Variants in PIAS1 observed in about 807,000 individuals in gnomAD.
The protein encoded by PIAS1 is protein inhibitor of activated STAT 1.
Under a neutral mutation model 71.3 loss-of-function variants are expected in PIAS1, and 6 were observed. The ratio of observed to expected loss-of-function variants is 0.08; its 90% CI spans 0.05 to 0.17. PIAS1 has a LOEUF of 0.17. Ranked by LOEUF, PIAS1 falls within the 10% of genes least tolerant of loss-of-function variation. PIAS1 has a pLI of 1.00. For synonymous variants in PIAS1, 303 were observed against 292.9 expected (o/e 1.03, Z -0.35); for missense variants, 555 against 793.6 (o/e 0.70, Z 3.61).
rs765537351 is a variant in PIAS1 at position 68,185,918 on chromosome 15, C to T, written c.1663-1624C>T. Among the ~76,000 whole-genome samples, 10 of 151,820 alleles carry T rather than the reference C, an allele frequency of 6.6e-5. No homozygotes were observed. Among genetic ancestry groups the T allele is most frequent in the African/African-American group, 1.5e-4 (6 of 41,328 alleles). On this transcript the variant is annotated intron_variant, in intron 13 of 13. Coordinates refer to ENST00000249636, the MANE Select transcript of PIAS1 (RefSeq NM_016166.3). The surrounding 1 kb of genome is among the most constrained non-coding windows in gnomAD (Gnocchi z 4.4). ...CGGAGGTTGCAGTGAGCCGAGATTGCGTGCACCACTCTACTCCAACCTGGG... is the reference window on the plus strand; with the variant it reads ...CGGAGGTTGCAGTGAGCCGAGATTGTGTGCACCACTCTACTCCAACCTGGG...
chr15:68,057,386 C>A, intron 1 of PIAS1: 1 of 357,414 alleles, frequency 2.8e-6, no homozygotes, highest in South Asian at 2.2e-5. Context: ...AAGCTGACAG[C>A]TTCATGAAAC....
At chr15:68,088,176 G>GTATATATATATATATATATATA (rs71455574) in intron 2 of PIAS1, among the ~76,000 whole-genome samples, 761 of 72,714 alleles carry the variant, frequency 0.01, 46 homozygotes, top group East Asian at 0.015. Context: ...TTATGTGTGT[G>GTATATATATATATATATATATA]TATATATATA....
chr15:68,114,063 T>TACACAC (rs1317527999), intron 2 of PIAS1, among the ~76,000 whole-genome samples: 21 of 56,144 alleles, frequency 3.7e-4, no homozygotes, highest in Admixed American at 9.1e-4. Context: ...CACACACACT[T>TACACAC]ATATACATGT....
At chr15:68,059,162 G>T (rs763908663) in intron 1 of PIAS1, among the ~76,000 whole-genome samples, 1 of 151,648 alleles carries the variant, frequency 6.6e-6, no homozygotes, top group Non-Finnish European at 1.5e-5. Context: ...CCGCCACTAC[G>T]CCCCGCTAAT....
intron 2 of PIAS1, among the ~76,000 whole-genome samples, chr15:68,117,629 A>G (rs1426927176): frequency 2.0e-5 from 3 of 152,196 alleles, no homozygotes; most frequent in Non-Finnish European, 4.4e-5. Context: ...CTTACTATGC[A>G]TGGCCTATTT....
chr15:68,164,670 C>A, intron 7 of PIAS1, 61 bp from the exon 8 acceptor site: 1 of 847,388 alleles, frequency 1.2e-6, no homozygotes, highest in South Asian at 1.5e-5. Flanking sequence ...AGTAATGCTC[C>A]AGTAATGTAT....
chr15:68,068,463 T>A (rs976866733), intron 1 of PIAS1, among the ~76,000 whole-genome samples: 13 of 152,290 alleles, frequency 8.5e-5, no homozygotes, highest in African/African-American at 2.9e-4. Flanking sequence ...TTAAGTCTTT[T>A]TTTTTGAGAC....
At chr15:68,172,836 C>G (rs1399602771) in intron 8 of PIAS1, among the ~76,000 whole-genome samples, 1 of 152,308 alleles carries the variant, frequency 6.6e-6, no homozygotes, top group South Asian at 2.1e-4. Context: ...TGGATAGACT[C>G]AACCCGTGTT....
rs1323140668 is a variant in PIAS1, at chr15:68,178,071, G to C, written c.1481+1417G>C. ...ATGATGAGATTAAAGATTTCTATCAGTTTGAGACCAGCCTGGGCAACATGG... is the reference window on the plus strand; with the variant it reads ...ATGATGAGATTAAAGATTTCTATCACTTTGAGACCAGCCTGGGCAACATGG... On this transcript the variant is annotated intron_variant, in intron 11 of 13. Coordinates refer to ENST00000249636, the MANE Select transcript of PIAS1 (RefSeq NM_016166.3). The surrounding 1 kb of genome is among the most constrained non-coding windows in gnomAD (Gnocchi z 4.2). Among the ~76,000 whole-genome samples the C allele has an allele frequency of 6.6e-6, 1 of 152,174 alleles. No individual in the cohort carries two copies. Among genetic ancestry groups the C allele is most frequent in the African/African-American group, 2.4e-5 (1 of 41,446 alleles).
intron 1 of PIAS1, among the ~76,000 whole-genome samples, chr15:68,079,213 A>G (rs921839602): frequency 3.3e-5 from 5 of 152,198 alleles, no homozygotes; most frequent in Admixed American, 2.6e-4. Flanking sequence ...TGAGAATTGA[A>G]TTAATACGAT....
chr15:68,095,493 T>C, intron 2 of PIAS1, among the ~76,000 whole-genome samples: 1 of 151,700 alleles, frequency 6.6e-6, no homozygotes, highest in East Asian at 1.9e-4. Flanking sequence ...TGTTGACACA[T>C]AGCTGGGTGT....
chr15:68,062,290 C>G (rs1476941063), intron 1 of PIAS1, among the ~76,000 whole-genome samples: 1 of 152,120 alleles, frequency 6.6e-6, no homozygotes, highest in Non-Finnish European at 1.5e-5. Context: ...CATCTTCATT[C>G]TTAGAGGGAA....
At chr15:68,059,161 C>T (rs1014494498) in intron 1 of PIAS1, among the ~76,000 whole-genome samples, 5 of 151,836 alleles carry the variant, frequency 3.3e-5, no homozygotes, top group African/African-American at 1.2e-4. Context: ...CCCGCCACTA[C>T]GCCCCGCTAA....
rs187871266 is a variant in PIAS1, at chr15:68,160,179, C to A, written c.935-4552C>A. On this transcript the variant is annotated intron_variant, in intron 7 of 13. Coordinates refer to ENST00000249636, the MANE Select transcript of PIAS1 (RefSeq NM_016166.3). ...TCATGCTTTTGATATATTATGAAAT[C>A]TTTGCCTAAATGAAAGTCACAAACA... 2.2e-4 allele frequency among the ~76,000 whole-genome samples: 33 copies of A among 152,202 alleles called. No individual in the cohort carries two copies. The East Asian group carries it at 4.2e-3, about 20-fold the overall frequency.
At position 68,191,539 on chromosome 15, in the gene PIAS1, C is replaced by A. The variant is rs2141117089; in HGVS notation, c.*3704C>A. On this transcript the variant is annotated 3_prime_UTR_variant, in exon 14 of 14. Coordinates refer to ENST00000249636, the MANE Select transcript of PIAS1 (RefSeq NM_016166.3). ...ATGAGACAAGTGATAATGGTTTGTG[C>A]TTCCAAAGCACCTTTCATCCAGAGA... 1 of 152,762 alleles carries A rather than the reference C, an allele frequency of 6.5e-6. No homozygotes were observed. Among genetic ancestry groups the A allele is most frequent in the Admixed American group, 6.5e-5 (1 of 15,308 alleles). 9.5% of individuals were successfully genotyped at this position (152,762 alleles called of 1,614,324 possible).
chr15:68,135,662 GC>G (rs1242807714), intron 2 of PIAS1, among the ~76,000 whole-genome samples: 1 of 70,020 alleles, frequency 1.4e-5, no homozygotes, highest in Non-Finnish European at 4.2e-5. Context: ...GGCTGGCCTG[GC>G]GGGGGCTGAC....
intron 1 of PIAS1, among the ~76,000 whole-genome samples, chr15:68,072,120 C>G (rs915164754): frequency 6.6e-6 from 1 of 150,802 alleles, no homozygotes; most frequent in East Asian, 1.9e-4. Context: ...GGAAGTTGGC[C>G]GGGCGCAGTG....
At chr15:68,080,637 C>T (rs2092220533) in intron 1 of PIAS1, among the ~76,000 whole-genome samples, 1 of 152,016 alleles carries the variant, frequency 6.6e-6, no homozygotes, top group South Asian at 2.1e-4. Context: ...AAAGTAAGCC[C>T]CATTGAATGA....
intron 7 of PIAS1, among the ~76,000 whole-genome samples, chr15:68,161,271 A>G (rs1367492251): frequency 6.6e-6 from 1 of 152,242 alleles, no homozygotes; most frequent in Admixed American, 6.5e-5. Context: ...GCCGAAAACT[A>G]CAAAGCATGG....
Sources: gnomAD v4.1 joint callset for allele counts (sites outside exome capture counted in the v4.1 genomes callset) on GRCh38, gnomAD v4.1.1 for gene constraint, Gnocchi (gnomAD v3.1) non-coding constraint, MANE v1.5 for transcripts, NCBI Gene and HGNC (gene_info 2026-07-23, HGNC 2026-07-21) for gene names.